Variants in FGGY observed in about 807,000 individuals in gnomAD.
FGGY encodes FGGY carbohydrate kinase domain containing, also known as FGGY carbohydrate kinase domain-containing protein.
Under a neutral mutation model 71.3 loss-of-function variants are expected in FGGY, and 72 were observed. The observed-to-expected ratio is 1.01, with a 90% confidence interval of 0.84 to 1.23. The LOEUF (loss-of-function observed/expected upper bound fraction) is 1.23, where lower values mean the gene tolerates loss of function less well. Ranked by LOEUF, FGGY falls within the 50% of genes most tolerant of loss-of-function variation. The probability of loss-of-function intolerance (pLI) is 0.00; values close to 1 mark genes in which losing one functional copy is unlikely to be tolerated. For missense variants in FGGY, 668 were observed against 682.3 expected (o/e 0.98, Z 0.23); for synonymous variants, 251 against 250.3 (o/e 1.00, Z -0.02).
At chr1:59,706,303 C>T (rs1022468817) in intron 14 of FGGY, among the ~76,000 whole-genome samples, 7 of 152,204 alleles carry the variant, frequency 4.6e-5, no homozygotes, top group Admixed American at 3.9e-4. Flanking sequence ...CTCTGCCACT[C>T]TTTACTTGTG....
intron 1 of FGGY, among the ~76,000 whole-genome samples, chr1:59,304,285 G>A (rs1237760803): frequency 1.3e-5 from 2 of 151,976 alleles, no homozygotes; most frequent in Non-Finnish European, 2.9e-5. Context: ...TCATTCTTTC[G>A]CATGTGACTA....
chr1:59,309,924 T>G (rs1570075628), intron 1 of FGGY: 1 of 145,744 alleles, frequency 6.9e-6, no homozygotes, highest in African/African-American at 2.6e-5. Flanking sequence ...GAGGCTGCGG[T>G]GAGTGGAGAT....
intron 8 of FGGY, among the ~76,000 whole-genome samples, chr1:59,565,386 G>GCCAGTCTCCTGCC (rs2095858616): frequency 6.6e-6 from 1 of 152,022 alleles, no homozygotes; most frequent in Non-Finnish European, 1.5e-5. Context: ...CCGGGTTCAC[G>GCCAGTCTCCTGCC]CCAGTCTCCT....
At position 59,638,284 on chromosome 1, in the gene FGGY, A is replaced by G. The variant is rs1265961285; in HGVS notation, c.1130A>G (p.Gln377Arg). 6.2e-7 allele frequency: 1 copy of G among 1,614,116 alleles called. No individual in the cohort carries two copies. Among genetic ancestry groups the G allele is most frequent in the Non-Finnish European group, 8.5e-7 (1 of 1,180,034 alleles). Residue 377 changes from glutamine to arginine, a missense_variant, in exon 11 of 16, where the codon CAG (glutamine) becomes CGG (arginine). Physicochemically the swap from Gln to Arg is conservative, Grantham distance 43 (BLOSUM62 1). Around this residue, in one of 2 missense-constraint regions of FGGY, gnomAD observed 661 missense variants for 661.6 expected, o/e 1.00. Transcript: ENST00000303721. ...CACCTGGATCTGATTAAGAAGGCTC[A>G]GCCTGTGGGTTTCCTTACTGTTGAT... ...NSHLDLIKKA[Q>R]PVGFLTVDLH...
intron 5 of FGGY, among the ~76,000 whole-genome samples, chr1:59,405,675 T>C (rs565420327): frequency 3.3e-5 from 5 of 152,316 alleles, no homozygotes; most frequent in Non-Finnish European, 5.9e-5. Context: ...GAATGTTAGA[T>C]ACCTACTCAG....
intron 5 of FGGY, among the ~76,000 whole-genome samples, chr1:59,429,730 T>C (rs747679177): frequency 8.5e-5 from 13 of 152,076 alleles, no homozygotes; most frequent in Non-Finnish European, 1.6e-4. Flanking sequence ...GACACACACG[T>C]GACGCACATA....
In FGGY at chr1:59,346,376, C is replaced by T. The variant is rs1217878737; in HGVS notation, c.443C>T (p.Pro148Leu). 17 of 1,611,350 alleles carry T rather than the reference C, an allele frequency of 1.1e-5. No homozygotes were observed. Among genetic ancestry groups the T allele is most frequent in the East Asian group, 4.5e-5 (2 of 44,854 alleles). ...GTGATGTCTGTGGAAATGCAGGCCCCGAAACTTCTGTGGCTGAAAGAGGTG... is the reference window on the plus strand; with the variant it reads ...GTGATGTCTGTGGAAATGCAGGCCCTGAAACTTCTGTGGCTGAAAGAGGTG... ...GGVMSVEMQA[P>L]KLLWLKENLR... The change falls in exon 4 of 16, where the codon CCG becomes CTG. Residue 148 changes from proline to leucine, a missense_variant. By Grantham distance (98) the Pro-to-Leu change is moderately conservative. Transcript: ENST00000303721.
intron 6 of FGGY, among the ~76,000 whole-genome samples, chr1:59,478,248 T>C (rs761638198): frequency 3.3e-5 from 5 of 152,236 alleles, no homozygotes; most frequent in African/African-American, 4.8e-5. Flanking sequence ...ATTACTTTTA[T>C]TTTCTCTGTC....
chr1:59,734,803 G>T (rs2098085984), intron 14 of FGGY, among the ~76,000 whole-genome samples: 1 of 152,158 alleles, frequency 6.6e-6, no homozygotes, highest in Non-Finnish European at 1.5e-5. Flanking sequence ...CTGGTTGTGG[G>T]CTCACCTCTG....
chr1:59,594,245 T>C (rs544252258), intron 8 of FGGY, among the ~76,000 whole-genome samples: 1 of 152,280 alleles, frequency 6.6e-6, no homozygotes, highest in East Asian at 1.9e-4. Context: ...ACCATACTAG[T>C]CTGGACTCTG....
intron 12 of FGGY, among the ~76,000 whole-genome samples, chr1:59,665,538 C>T (rs1407772623): frequency 6.6e-6 from 1 of 152,140 alleles, no homozygotes; most frequent in African/African-American, 2.4e-5. Context: ...TCTGACCACT[C>T]CTGTCCCCAG....
intron 2 of FGGY, 25 bp downstream of exon 2, chr1:59,321,775 C>T: frequency 1.3e-6 from 2 of 1,596,278 alleles, no homozygotes; most frequent in Middle Eastern, 2.1e-4. Context: ...GGTGTTCTCT[C>T]CTTGTTCATA....
intron 6 of FGGY, among the ~76,000 whole-genome samples, chr1:59,502,233 A>G (rs564715255): frequency 6.6e-6 from 1 of 152,356 alleles, no homozygotes; most frequent in East Asian, 1.9e-4. Context: ...TCTTATGGAT[A>G]TATTATCTAC....
intron 6 of FGGY, among the ~76,000 whole-genome samples, chr1:59,508,749 A>G (rs181743736): frequency 1.2e-3 from 183 of 152,268 alleles, no homozygotes; most frequent in Non-Finnish European, 2.2e-3. Flanking sequence ...CAAATGAAAG[A>G]TGGGATATTT....
intron 12 of FGGY, chr1:59,660,516 T>C (rs1235316651): frequency 2.6e-6 from 1 of 390,438 alleles, no homozygotes; most frequent in East Asian, 4.0e-5. Flanking sequence ...GGAGTTAAAA[T>C]CTGTGAAGAT....
intron 7 of FGGY, among the ~76,000 whole-genome samples, chr1:59,547,205 C>T (rs1265892264): frequency 2.6e-5 from 4 of 152,052 alleles, no homozygotes; most frequent in Admixed American, 6.6e-5. Context: ...CCTGCCTCGG[C>T]CTCCCAAAGT....
At chr1:59,436,795 A>C (rs2068573460) in intron 5 of FGGY, among the ~76,000 whole-genome samples, 1 of 152,174 alleles carries the variant, frequency 6.6e-6, no homozygotes, top group South Asian at 2.1e-4. Flanking sequence ...GTCTTGTCAC[A>C]ACACAGGAAG....
chr1:59,507,539 G>A (rs374897488), intron 6 of FGGY, among the ~76,000 whole-genome samples: 27 of 151,274 alleles, frequency 1.8e-4, no homozygotes, highest in Non-Finnish European at 2.2e-4. Flanking sequence ...TTTTTGAGAC[G>A]GAGTCTCATT....
intron 14 of FGGY, among the ~76,000 whole-genome samples, chr1:59,722,445 C>T (rs775094348): frequency 1.3e-5 from 2 of 152,204 alleles, no homozygotes; most frequent in African/African-American, 2.4e-5. Context: ...TCTACCTCCT[C>T]GTGGGAGGAA....
Sources: gnomAD v4.1 joint callset for allele counts (sites outside exome capture counted in the v4.1 genomes callset) on GRCh38, gnomAD v4.1.1 for gene constraint, gnomAD v4.1.1 regional missense constraint, MANE v1.5 for transcripts, NCBI Gene and HGNC (gene_info 2026-07-23, HGNC 2026-07-21) for gene names.